RSU1: variants seen among roughly 807,000 people sequenced by gnomAD.
The protein encoded by RSU1 is rsu-1.
In RSU1, 26 loss-of-function variants were observed where a neutral mutation model predicts 31.1. The observed-to-expected ratio is 0.84, with a 90% CI of 0.61 to 1.16. RSU1 has a LOEUF of 1.16. Among genes scored for constraint, RSU1 ranks in the 50% most tolerant of loss-of-function variants. The pLI is 0.00. For missense variants in RSU1, 320 were observed against 339.1 expected, an observed-to-expected ratio of 0.94 and a Z score of 0.44; for synonymous variants, 164 against 136.3, an observed-to-expected ratio of 1.20 and a Z score of -1.41.
At chr10:16,692,632 T>C (rs12570461) in intron 8 of RSU1, among the ~76,000 whole-genome samples, 3,799 of 152,278 alleles carry the variant, frequency 0.025, 137 homozygotes, top group East Asian at 0.1. Context: ...TGATTAACAA[T>C]TTACAAAGAA....
chr10:16,729,243 A>G (rs899812838), intron 7 of RSU1, among the ~76,000 whole-genome samples: 1 of 152,246 alleles, frequency 6.6e-6, no homozygotes, highest in Non-Finnish European at 1.5e-5. Context: ...ACACATTTTA[A>G]TTCTTACACA....
intron 8 of RSU1, among the ~76,000 whole-genome samples, chr10:16,688,962 G>A (rs1835492089): frequency 6.8e-6 from 1 of 148,064 alleles, no homozygotes; most frequent in Non-Finnish European, 1.5e-5. Context: ...GAGCTATCAT[G>A]GTGCCCCTGC....
chr10:16,670,301 A>T (rs1188006898), intron 8 of RSU1, among the ~76,000 whole-genome samples: 1 of 152,226 alleles, frequency 6.6e-6, no homozygotes, highest in African/African-American at 2.4e-5. Context: ...ACATAATCGT[A>T]CATGCTAAAG....
chr10:16,788,769 G>A (rs1837851206), intron 2 of RSU1, among the ~76,000 whole-genome samples: 1 of 152,198 alleles, frequency 6.6e-6, no homozygotes, highest in Non-Finnish European at 1.5e-5. Flanking sequence ...ACACTTCCAA[G>A]AAGTTGTACA....
chr10:16,593,427 G>T lies in RSU1; in HGVS notation c.801C>A (p.Ile267=), dbSNP rs757532485. The T allele has an allele frequency of 1.9e-6, 3 of 1,614,098 alleles. No homozygotes were observed. In the East Asian group the frequency reaches 6.7e-5, roughly 36 times the overall value. ...PKKNNDKSKK[I]SRKPLAAKNR ...TCTTGGCTGCCAGGGGTTTCCGGCT[G>T]ATCTTTTTCGATTTGTCATTATTCT... The change falls in exon 9 of 9, where the codon ATC becomes ATA. Residue 267 remains isoleucine, a synonymous_variant. Coordinates refer to ENST00000345264, the MANE Select transcript of RSU1 (RefSeq NM_012425.4).
rs1369088080 is a variant in RSU1, at chr10:16,764,477, A to C, written c.194T>G (p.Leu65Trp). The C allele has an allele frequency of 6.2e-7, 1 of 1,614,058 alleles. No individual in the cohort carries two copies. Among genetic ancestry groups the C allele is most frequent in the Non-Finnish European group, 8.5e-7 (1 of 1,179,966 alleles). Residue 65 changes from leucine (L) to tryptophan (W), a missense_variant, in exon 4 of 9, where the codon TTG becomes TGG. Leu to Trp is a moderately conservative substitution (Grantham distance 61, BLOSUM62 -2). Transcript: ENST00000345264. ...GTTATTAAAAAAGTTGAGCACCTCC[A>C]AATTCTTCAGTTCTGCGATGTTCGG... ...VPPNIAELKN[L>W]EVLNFFNNQI... is the part of the protein sequence containing the mutation.
At chr10:16,805,338 G>A (rs1838243452) in intron 2 of RSU1, among the ~76,000 whole-genome samples, 1 of 152,178 alleles carries the variant, frequency 6.6e-6, no homozygotes, top group Non-Finnish European at 1.5e-5. Context: ...TGTACTTCCT[G>A]CTCCAGCTCT....
At chr10:16,723,720 T>C (rs375056390) in intron 7 of RSU1, among the ~76,000 whole-genome samples, 2 of 152,068 alleles carry the variant, frequency 1.3e-5, no homozygotes, top group Admixed American at 6.5e-5. Context: ...CACAGGACAG[T>C]GGACAGCCAG....
intron 8 of RSU1, among the ~76,000 whole-genome samples, chr10:16,632,462 A>T (rs961729646): frequency 1.3e-5 from 2 of 151,950 alleles, no homozygotes; most frequent in Admixed American, 6.6e-5. Context: ...GAGACCTTTT[A>T]AAAAAAAGCT....
intron 8 of RSU1, among the ~76,000 whole-genome samples, chr10:16,637,422 C>T (rs962753977): frequency 6.6e-5 from 10 of 151,882 alleles, no homozygotes; most frequent in East Asian, 5.8e-4. Flanking sequence ...TAAGAGTGGA[C>T]GCCGTGCTAG....
At chr10:16,659,268 G>A (rs1834843324) in intron 8 of RSU1, among the ~76,000 whole-genome samples, 1 of 147,566 alleles carries the variant, frequency 6.8e-6, no homozygotes, top group African/African-American at 2.5e-5. Context: ...TGAGTTTGGG[G>A]TAAGAAACCC....
intron 8 of RSU1, among the ~76,000 whole-genome samples, chr10:16,685,450 G>C (rs1239987812): frequency 6.6e-6 from 1 of 152,118 alleles, no homozygotes; most frequent in African/African-American, 2.4e-5. Context: ...CAGCCCCAAG[G>C]GCTGCTGTTT....
chr10:16,796,437 A>C (rs1175293472), intron 2 of RSU1, among the ~76,000 whole-genome samples: 1 of 152,052 alleles, frequency 6.6e-6, no homozygotes, highest in Non-Finnish European at 1.5e-5. Flanking sequence ...TCAACACTGC[A>C]AACAAATCTG....
intron 8 of RSU1, among the ~76,000 whole-genome samples, chr10:16,672,703 G>GT (rs1174179970): frequency 6.6e-6 from 1 of 152,094 alleles, no homozygotes; most frequent in Non-Finnish European, 1.5e-5. Context: ...TAGGTCAGTG[G>GT]TTGCCTGGGG....
chr10:16,612,639 T>TTA (rs1833912040), intron 8 of RSU1, among the ~76,000 whole-genome samples: 2 of 152,342 alleles, frequency 1.3e-5, no homozygotes, highest in South Asian at 4.1e-4. Flanking sequence ...TTTGTTGTAA[T>TTA]GAACACTGAT....
At chr10:16,644,594 G>C (rs540242531) in intron 8 of RSU1, among the ~76,000 whole-genome samples, 7 of 152,284 alleles carry the variant, frequency 4.6e-5, no homozygotes, top group Non-Finnish European at 8.8e-5. Context: ...AGTGACTCTA[G>C]AACAGAAACC....
intron 7 of RSU1, among the ~76,000 whole-genome samples, chr10:16,706,331 T>C (rs542232591): frequency 1.3e-5 from 2 of 152,344 alleles, no homozygotes; most frequent in Admixed American, 1.3e-4. Context: ...TAGTTTTCAC[T>C]TGCACTTCCG....
chr10:16,782,187 G>T, intron 2 of RSU1, 103 bp from the exon 3 acceptor site: 1 of 854,608 alleles, frequency 1.2e-6, no homozygotes, highest in Non-Finnish European at 1.9e-6. Flanking sequence ...ATTTTCACAG[G>T]TTGAAGCACT....
At chr10:16,608,629 T>C (rs138191016) in intron 8 of RSU1, among the ~76,000 whole-genome samples, 505 of 152,204 alleles carry the variant, frequency 3.3e-3, no homozygotes, top group African/African-American at 0.012. Context: ...AAGTGGTATT[T>C]AGGAGCAAGT....
Sources: allele counts gnomAD v4.1 joint callset (sites outside exome capture counted in the v4.1 genomes callset), GRCh38; gene constraint gnomAD v4.1.1; transcripts MANE v1.5; gene names NCBI Gene and HGNC (gene_info 2026-07-23, HGNC 2026-07-21).